Variants in PCDHA11 observed in about 807,000 individuals in gnomAD.
PCDHA11 encodes the protein protocadherin alpha 11.
Under a neutral mutation model 70.3 loss-of-function variants are expected in PCDHA11, and 61 were observed. The ratio of observed to expected loss-of-function variants is 0.87; its 90% CI spans 0.71 to 1.07. PCDHA11 has a LOEUF of 1.07. PCDHA11 is among the 50% of genes least tolerant of loss of function. PCDHA11 has a pLI of 0.00. For synonymous variants in PCDHA11, 633 were observed against 555.1 expected, an observed-to-expected ratio of 1.14 and a Z score of -1.97; for missense variants, 1,324 against 1,237.5, an observed-to-expected ratio of 1.07 and a Z score of -1.05.
At chr5:140,901,644 G>A (rs1223864756) in intron 1 of PCDHA11, among the ~76,000 whole-genome samples, 1 of 152,024 alleles carries the variant, frequency 6.6e-6, no homozygotes, top group Non-Finnish European at 1.5e-5. Context: ...GATTCTTCCG[G>A]TTTTGTTCTT....
intron 1 of PCDHA11, among the ~76,000 whole-genome samples, chr5:140,972,711 T>A (rs2096551404): frequency 6.7e-6 from 1 of 148,680 alleles, no homozygotes; most frequent in Non-Finnish European, 1.5e-5. Context: ...GTTGCCAGGC[T>A]GGAGTGCAGT....
chr5:140,962,495 C>T (rs2153732507), intron 1 of PCDHA11, among the ~76,000 whole-genome samples: 1 of 152,240 alleles, frequency 6.6e-6, no homozygotes, highest in Admixed American at 6.5e-5. Context: ...AATTTTCAGA[C>T]ACCTCAGCCA....
At position 140,884,782 on chromosome 5, in the gene PCDHA11, A is replaced by T. The variant is rs2060354278; in HGVS notation, c.2391+13288A>T. ...TCTTTACTTTAATTTTAATTTTGCTAGTTGTTATCGAATTTAACAACTCTG... is the reference window on the plus strand; with the variant it reads ...TCTTTACTTTAATTTTAATTTTGCTTGTTGTTATCGAATTTAACAACTCTG... On this transcript the variant is annotated intron_variant, in intron 1 of 3. Coordinates refer to ENST00000398640, the MANE Select transcript of PCDHA11 (RefSeq NM_018902.5). 8 of 1,395,472 alleles carry T rather than the reference A, an allele frequency of 5.7e-6. 1 individual carries two copies. The highest frequency in any genetic ancestry group is 3.3e-5 in the South Asian group (2 of 60,762). 86.4% of individuals were successfully genotyped at this position (1,395,472 alleles called of 1,614,324 possible). A position where few individuals can be genotyped will look rare whatever the true frequency, so the allele number is the denominator to read the frequency against.
At chr5:140,921,850 G>C (rs2080436717) in intron 1 of PCDHA11, among the ~76,000 whole-genome samples, 1 of 151,984 alleles carries the variant, frequency 6.6e-6, no homozygotes, top group African/African-American at 2.4e-5. Context: ...ATTTATAGAT[G>C]TGTGTGTATA....
intron 1 of PCDHA11, among the ~76,000 whole-genome samples, chr5:140,965,939 C>A (rs1554227944): frequency 6.6e-6 from 1 of 152,188 alleles, no homozygotes; most frequent in Admixed American, 6.5e-5. Flanking sequence ...GGAAAGAGGG[C>A]AGCATTTGCC....
chr5:140,962,087 A>G (rs1284028102), intron 1 of PCDHA11, among the ~76,000 whole-genome samples: 10 of 151,912 alleles, frequency 6.6e-5, no homozygotes, highest in Non-Finnish European at 1.3e-4. Flanking sequence ...GGGTTTCACC[A>G]TGTTAGCCAG....
intron 1 of PCDHA11, among the ~76,000 whole-genome samples, chr5:140,947,689 G>A (rs1276078725): frequency 2.0e-5 from 3 of 151,490 alleles, no homozygotes; most frequent in African/African-American, 4.8e-5. Context: ...GTCTCAGCAT[G>A]TTCTGTAGTT....
intron 1 of PCDHA11, among the ~76,000 whole-genome samples, chr5:140,906,354 A>C (rs552915845): frequency 3.8e-4 from 58 of 152,336 alleles, no homozygotes; most frequent in South Asian, 1.7e-3. Context: ...GAATGCACCA[A>C]TTCCCAACCC....
chr5:140,893,112 G>T (rs782797637), intron 1 of PCDHA11, among the ~76,000 whole-genome samples: 5 of 152,148 alleles, frequency 3.3e-5, no homozygotes, highest in Non-Finnish European at 7.3e-5. Flanking sequence ...ATTCCGTTGT[G>T]CATATACACC....
chr5:140,978,196 T>C (rs1043778941), intron 1 of PCDHA11, among the ~76,000 whole-genome samples: 1 of 152,190 alleles, frequency 6.6e-6, no homozygotes. Flanking sequence ...ATCTTTTCAA[T>C]ACACAACTAA....
rs1237282908 is a variant in PCDHA11, at chr5:140,877,400, C to T, written c.2391+5906C>T. ...CGCATCCTGGATGAGGCGGACGCTC[C>T]GCGCCACCGCCTGCTGGTGCTGGTG... On this transcript the variant is annotated intron_variant, in intron 1 of 3. Coordinates refer to ENST00000398640, the MANE Select transcript of PCDHA11 (RefSeq NM_018902.5). The T allele has an allele frequency of 7.4e-6, 12 of 1,613,804 alleles. No homozygotes were observed. The Admixed American group carries it at 1.8e-4, about 25-fold the overall frequency.
chr5:140,985,977 G>A (rs1341198195), intron 3 of PCDHA11, among the ~76,000 whole-genome samples: 3 of 151,932 alleles, frequency 2.0e-5, no homozygotes, highest in African/African-American at 7.3e-5. Flanking sequence ...CTGACCTCGT[G>A]ATCCGCCCAC....
chr5:140,870,918 G>A lies in PCDHA11; in HGVS notation c.1815G>A (p.Trp605Ter). The change falls in exon 1 of 4, where the codon TGG becomes TGA. Residue 605 changes from tryptophan (W) to a stop codon, truncating the protein, a stop_gained. Transcript: ENST00000398640. LOFTEE classifies it high-confidence loss of function. Reference sequence around the variant, plus strand: ...ATGCGGACTCAGGCTACAACGCGTGGCTTTCATATGAATTGCAGCCGGCGG... The same window carrying A: ...ATGCGGACTCAGGCTACAACGCGTGACTTTCATATGAATTGCAGCCGGCGG... Reference protein sequence around the residue: ...AVDADSGYNAWLSYELQPAAG... With the variant: ...AVDADSGYNA 1 of 1,613,956 alleles carries A rather than the reference G, an allele frequency of 6.2e-7. No homozygotes were observed. Among genetic ancestry groups the A allele is most frequent in the Non-Finnish European group, 8.5e-7 (1 of 1,179,906 alleles).
At chr5:140,978,873 A>G in intron 1 of PCDHA11, 76 bp from the exon 2 acceptor site, 2 of 1,608,618 alleles carry the variant, frequency 1.2e-6, no homozygotes, top group Non-Finnish European at 1.7e-6. Flanking sequence ...TAAGGGAGTA[A>G]CTAATCAATT....
At chr5:140,916,539 A>G (rs114063131) in intron 1 of PCDHA11, among the ~76,000 whole-genome samples, 1,727 of 152,262 alleles carry the variant, frequency 0.011, 30 homozygotes, top group African/African-American at 0.038. Context: ...CACCAAGGCA[A>G]TGGGTTTTCT....
At chr5:140,941,319 CTTT>C (rs70988781) in intron 1 of PCDHA11, among the ~76,000 whole-genome samples, 1 of 104,392 alleles carries the variant, frequency 9.6e-6, no homozygotes. Flanking sequence ...TCTTCTTTCT[CTTT>C]TTTTTTTTTT....
chr5:140,883,282 G>A (rs781911340), intron 1 of PCDHA11: 6 of 1,613,900 alleles, frequency 3.7e-6, no homozygotes, highest in Non-Finnish European at 5.1e-6. Context: ...CCCTTTTGGT[G>A]GAAGTACTAG....
At chr5:140,996,842 T>C (rs2097749816) in intron 3 of PCDHA11, among the ~76,000 whole-genome samples, 1 of 152,240 alleles carries the variant, frequency 6.6e-6, no homozygotes, top group African/African-American at 2.4e-5. Context: ...TTAGCGTGCA[T>C]CTTCAGAATT....
At chr5:140,877,097 T>A in intron 1 of PCDHA11, 1 of 1,613,308 alleles carries the variant, frequency 6.2e-7, no homozygotes, top group Non-Finnish European at 8.5e-7. Context: ...GACGCCGGCG[T>A]GCCGCCTCTG....
Sources: gnomAD v4.1 joint callset for allele counts (sites outside exome capture counted in the v4.1 genomes callset) on GRCh38, gnomAD v4.1.1 for gene constraint, MANE v1.5 for transcripts, NCBI Gene and HGNC (gene_info 2026-07-23, HGNC 2026-07-21) for gene names.